Variants in APBA1 observed in about 807,000 individuals in gnomAD.
APBA1 encodes the protein amyloid-beta A4 precursor protein-binding family A member 1.
Under a neutral mutation model 86.6 loss-of-function variants are expected in APBA1, and 55 were observed. The observed-to-expected ratio is 0.64, with a 90% CI of 0.51 to 0.80. The LOEUF is 0.80. Among genes scored for constraint, APBA1 ranks in the 30% least tolerant of loss-of-function variants. The probability of loss-of-function intolerance (pLI) is 0.00; values close to 1 mark genes in which losing one functional copy is unlikely to be tolerated. For missense variants in APBA1, 1,090 were observed against 1,183.0 expected (o/e 0.92, Z 1.15); for synonymous variants, 511 against 493.9 (o/e 1.03, Z -0.46).
intron 1 of APBA1, among the ~76,000 whole-genome samples, chr9:69,603,691 T>C (rs543973879): frequency 4.6e-5 from 7 of 152,384 alleles, no homozygotes; most frequent in African/African-American, 1.7e-4. Flanking sequence ...TTGGCTCTAG[T>C]AGGCCATAAG....
At chr9:69,515,386 C>A (rs1240130905) in intron 2 of APBA1, among the ~76,000 whole-genome samples, 1 of 152,022 alleles carries the variant, frequency 6.6e-6, no homozygotes, top group Non-Finnish European at 1.5e-5. Context: ...TTCTCTGATC[C>A]ACAGCACATT....
chr9:69,578,014 A>G (rs1821836209), intron 1 of APBA1, among the ~76,000 whole-genome samples: 1 of 152,186 alleles, frequency 6.6e-6, no homozygotes, highest in South Asian at 2.1e-4. Flanking sequence ...CAGCTCACCT[A>G]AAATGAAGGA....
intron 1 of APBA1, among the ~76,000 whole-genome samples, chr9:69,580,620 C>G (rs191542328): frequency 2.5e-4 from 38 of 152,288 alleles, no homozygotes; most frequent in Admixed American, 2.5e-3. Flanking sequence ...GGCTAGGACT[C>G]TTAGTGAAGT....
At chr9:69,629,983 T>C (rs1427095449) in intron 1 of APBA1, among the ~76,000 whole-genome samples, 1 of 151,934 alleles carries the variant, frequency 6.6e-6, no homozygotes, top group African/African-American at 2.4e-5. Context: ...GATCACATTC[T>C]ACTAGGGAAA....
At chr9:69,613,559 G>A (rs771627737) in intron 1 of APBA1, among the ~76,000 whole-genome samples, 3 of 151,992 alleles carry the variant, frequency 2.0e-5, no homozygotes, top group Non-Finnish European at 4.4e-5. Flanking sequence ...TATATCTTTT[G>A]CTTGGCTGAG....
rs1392647885 is a variant in APBA1, at chr9:69,431,402, AG to A, written c.2443-5del. The A allele has an allele frequency of 1.2e-6, 2 of 1,612,440 alleles. No homozygotes were observed. Among genetic ancestry groups the A allele is most frequent in the East Asian group, 4.5e-5 (2 of 44,730 alleles). ...CTGGCATTGTCTTCATATGAATCTGAGGGTAAAGAACACACTTTAGTGGGGG... is the reference window on the plus strand; with the variant it reads ...CTGGCATTGTCTTCATATGAATCTGAGGTAAAGAACACACTTTAGTGGGGG... On this transcript the variant is annotated splice_region_variant and splice_polypyrimidine_tract_variant and intron_variant, in intron 12 of 12. Transcript: ENST00000265381.
chr9:69,485,297 C>T (rs1276754951), intron 2 of APBA1, among the ~76,000 whole-genome samples: 1 of 152,092 alleles, frequency 6.6e-6, no homozygotes, highest in Admixed American at 6.5e-5. Context: ...TCAAAACAGA[C>T]ATGGCCGCGT....
At chr9:69,556,438 C>T (rs1330597950) in intron 1 of APBA1, among the ~76,000 whole-genome samples, 8 of 152,138 alleles carry the variant, frequency 5.3e-5, no homozygotes, top group East Asian at 1.9e-4. Flanking sequence ...GACAGCCTGT[C>T]GGAGTTTACA....
chr9:69,553,582 G>A (rs1205815457), intron 1 of APBA1, among the ~76,000 whole-genome samples: 1 of 152,150 alleles, frequency 6.6e-6, no homozygotes, highest in Non-Finnish European at 1.5e-5. Flanking sequence ...GTATAGCATG[G>A]TATGAATATA....
rs1564063472 is a variant in APBA1 at position 69,516,774 on chromosome 9, A to G, written c.437T>C (p.Leu146Pro). The G allele has an allele frequency of 6.2e-7, 1 of 1,611,430 alleles. No individual in the cohort carries two copies. The highest frequency in any genetic ancestry group is 8.5e-7 in the Non-Finnish European group (1 of 1,179,480). The change falls in exon 2 of 13, where the codon CTG becomes CCG. Residue 146 changes from leucine (L) to proline (P), a missense_variant. Physicochemically the swap from Leu to Pro is moderately conservative, Grantham distance 98. This residue lies in a region of APBA1 where 678 missense variants were observed against 647.1 expected (regional missense o/e 1.05). Transcript: ENST00000265381. The surrounding 1 kb of genome is among the most constrained non-coding windows in gnomAD (Gnocchi z 7.3). ...EHAEATHRRA[L>P]PNHLHFHSLE... ...CGAGTGGAAGTGCAGGTGGTTGGGC[A>G]GCGCGCGGCGGTGCGTGGCCTCGGC...
intron 1 of APBA1, among the ~76,000 whole-genome samples, chr9:69,637,623 C>T (rs1823207076): frequency 6.6e-6 from 1 of 152,228 alleles, no homozygotes; most frequent in South Asian, 2.1e-4. Context: ...TACCGTGGCA[C>T]AGCAGACACA....
intron 9 of APBA1, 93 bp from the exon 10 acceptor site, chr9:69,449,889 A>G: frequency 1.8e-6 from 2 of 1,131,808 alleles, no homozygotes; most frequent in Non-Finnish European, 2.5e-6. Flanking sequence ...TCTTGCCTAA[A>G]GAAAGACACT....
chr9:69,605,060 G>A (rs7029089), intron 1 of APBA1, among the ~76,000 whole-genome samples: 5 of 152,242 alleles, frequency 3.3e-5, no homozygotes, highest in African/African-American at 7.2e-5. Flanking sequence ...AATAGCTCAC[G>A]ACTACAAAAC....
At chr9:69,571,635 CA>C (rs1283609560) in intron 1 of APBA1, among the ~76,000 whole-genome samples, 1 of 152,210 alleles carries the variant, frequency 6.6e-6, no homozygotes, top group East Asian at 1.9e-4. Flanking sequence ...ATTTCTATAA[CA>C]AATATTTATC....
chr9:69,443,981 C>T (rs1295779880), intron 10 of APBA1, among the ~76,000 whole-genome samples: 1 of 152,106 alleles, frequency 6.6e-6, no homozygotes, highest in Non-Finnish European at 1.5e-5. Context: ...GTTCCTGGTC[C>T]TCATAATCCC....
At chr9:69,592,749 C>T (rs1822154639) in intron 1 of APBA1, among the ~76,000 whole-genome samples, 1 of 152,192 alleles carries the variant, frequency 6.6e-6, no homozygotes. Flanking sequence ...TTGTAAGTTT[C>T]CTGAGGCTTC....
intron 1 of APBA1, among the ~76,000 whole-genome samples, chr9:69,587,376 T>C (rs1032282490): frequency 2.0e-4 from 30 of 152,158 alleles, no homozygotes; most frequent in Admixed American, 1.6e-3. Context: ...TATCTGAGAA[T>C]GTGGCCAAAC....
At chr9:69,667,647 C>T (rs1823866937) in intron 1 of APBA1, among the ~76,000 whole-genome samples, 1 of 150,860 alleles carries the variant, frequency 6.6e-6, no homozygotes. Context: ...TCTCTTTTTC[C>T]CTCAATGGAT....
chr9:69,542,862 G>A (rs757395440), intron 1 of APBA1, among the ~76,000 whole-genome samples: 12 of 152,218 alleles, frequency 7.9e-5, no homozygotes, highest in East Asian at 1.9e-4. Flanking sequence ...GTTGTATTTC[G>A]TTGAACCAAA....
Sources: allele counts gnomAD v4.1 joint callset (sites outside exome capture counted in the v4.1 genomes callset), GRCh38; gene constraint gnomAD v4.1.1; regional missense constraint gnomAD v4.1.1; non-coding constraint Gnocchi (gnomAD v3.1); transcripts MANE v1.5; gene names NCBI Gene and HGNC (gene_info 2026-07-23, HGNC 2026-07-21).